The following KLHL32 variants were observed in gnomAD, a reference collection of about 807,000 sequenced individuals.
KLHL32 encodes the protein kelch like family member 32.
A neutral mutation model predicts 64.8 loss-of-function variants in KLHL32; 35 were observed. The observed-to-expected ratio is 0.54, with a 90% CI of 0.41 to 0.72. The LOEUF is 0.72. Among genes scored for constraint, KLHL32 ranks in the 30% least tolerant of loss-of-function variants. The probability of loss-of-function intolerance (pLI) is 0.00; values close to 1 mark genes in which losing one functional copy is unlikely to be tolerated. For missense variants in KLHL32, 589 were observed against 768.5 expected, an observed-to-expected ratio of 0.77 and a Z score of 2.76; for synonymous variants, 259 against 281.0, an observed-to-expected ratio of 0.92 and a Z score of 0.78.
intron 7 of KLHL32, among the ~76,000 whole-genome samples, chr6:97,119,088 T>C (rs983784703): frequency 2.0e-5 from 3 of 152,178 alleles, no homozygotes; most frequent in African/African-American, 7.2e-5. Flanking sequence ...AATTATCTTG[T>C]CCTCTGGGAA....
intron 7 of KLHL32, among the ~76,000 whole-genome samples, chr6:97,115,986 CTT>C (rs1797767569): frequency 1.0e-5 from 1 of 97,120 alleles, no homozygotes; most frequent in African/African-American, 6.8e-5. Flanking sequence ...TTCATTTGGA[CTT>C]TGACTGTTCT....
intron 1 of KLHL32, among the ~76,000 whole-genome samples, chr6:96,964,532 A>G (rs1391865302): frequency 1.3e-5 from 2 of 152,202 alleles, no homozygotes; most frequent in East Asian, 1.9e-4. Context: ...CGGCGCCTGT[A>G]GTCCCAGCTA....
intron 5 of KLHL32, among the ~76,000 whole-genome samples, chr6:97,083,540 T>A: frequency 6.6e-6 from 1 of 152,206 alleles, no homozygotes; most frequent in East Asian, 1.9e-4. Context: ...TGCCTCCAGG[T>A]GCCTGTGGTG....
intron 8 of KLHL32, among the ~76,000 whole-genome samples, 153 bp downstream of exon 8, chr6:97,127,615 G>T (rs535587663): frequency 6.6e-6 from 1 of 152,188 alleles, no homozygotes; most frequent in African/African-American, 2.4e-5. Flanking sequence ...CTGCTTTTTG[G>T]TTCCTTTTTT....
At chr6:97,017,409 T>G (rs1272807589) in intron 3 of KLHL32, among the ~76,000 whole-genome samples, 2 of 152,248 alleles carry the variant, frequency 1.3e-5, no homozygotes, top group Middle Eastern at 3.2e-3. Context: ...GTTGCTGCCC[T>G]TCTCTAACTA....
chr6:97,119,420 A>G (rs551097971), intron 7 of KLHL32, among the ~76,000 whole-genome samples: 28 of 152,316 alleles, frequency 1.8e-4, no homozygotes, highest in African/African-American at 6.5e-4. Flanking sequence ...GAGATGGATA[A>G]GAGTTTGTCT....
intron 1 of KLHL32, among the ~76,000 whole-genome samples, chr6:96,925,979 G>C (rs1228907675): frequency 1.3e-5 from 2 of 152,008 alleles, no homozygotes; most frequent in Non-Finnish European, 2.9e-5. Context: ...GATGGGACTG[G>C]GTCCTCTACT....
intron 3 of KLHL32, among the ~76,000 whole-genome samples, chr6:97,040,536 G>C (rs189580141): frequency 1.3e-5 from 2 of 152,248 alleles, no homozygotes; most frequent in African/African-American, 2.4e-5. Context: ...CCTGCTTGGA[G>C]TATCAGTTTC....
chr6:97,079,158 C>G (rs2128172125), intron 5 of KLHL32, among the ~76,000 whole-genome samples: 1 of 152,300 alleles, frequency 6.6e-6, no homozygotes, highest in South Asian at 2.1e-4. Flanking sequence ...TAAATCTACT[C>G]TAAATTATAA....
chr6:97,043,250 A>G lies in KLHL32; in HGVS notation c.312+1651A>G, dbSNP rs111832018. On this transcript the variant is annotated intron_variant, in intron 4 of 10. Transcript: ENST00000369261. ...CACCCTCCCCTAGCCTTTGGTAACC[A>G]TCATTCTACTTGCTACTTCTATGAG... Among the ~76,000 whole-genome samples, 1,135 of 152,268 alleles carry G rather than the reference A, an allele frequency of 7.5e-3. 14 individuals are homozygous for G. The highest frequency in any genetic ancestry group is 0.025 in the African/African-American group (1,020 of 41,562).
intron 2 of KLHL32, among the ~76,000 whole-genome samples, chr6:96,973,488 A>G (rs1257358068): frequency 6.6e-6 from 1 of 152,140 alleles, no homozygotes; most frequent in African/African-American, 2.4e-5. Flanking sequence ...TTTCAAATAT[A>G]TTTTCTAAGG....
At chr6:97,021,669 A>G (rs1363691322) in intron 3 of KLHL32, among the ~76,000 whole-genome samples, 1 of 150,988 alleles carries the variant, frequency 6.6e-6, no homozygotes, top group Admixed American at 6.5e-5. Flanking sequence ...AAATTGGCAC[A>G]TGAAATTAAC....
intron 2 of KLHL32, among the ~76,000 whole-genome samples, chr6:96,972,435 A>C (rs1389315480): frequency 6.6e-6 from 1 of 152,150 alleles, no homozygotes; most frequent in Non-Finnish European, 1.5e-5. Flanking sequence ...AATACAATAG[A>C]GTGTTACTAT....
At chr6:96,958,951 C>T (rs186097372) in intron 1 of KLHL32, among the ~76,000 whole-genome samples, 3 of 152,248 alleles carry the variant, frequency 2.0e-5, no homozygotes, top group East Asian at 1.9e-4. Context: ...ACACTTTGGA[C>T]CCTCATCCCT....
chr6:96,961,120 A>G (rs573181194), intron 1 of KLHL32, among the ~76,000 whole-genome samples: 4 of 152,344 alleles, frequency 2.6e-5, no homozygotes, highest in African/African-American at 7.2e-5. Flanking sequence ...CAAAGAAGAC[A>G]TATTTGGGGT....
intron 3 of KLHL32, among the ~76,000 whole-genome samples, chr6:96,997,650 G>A (rs182455820): frequency 1.5e-3 from 221 of 152,158 alleles, no homozygotes; most frequent in Non-Finnish European, 2.8e-3. Flanking sequence ...GGCTTAGCAG[G>A]AGGATCGCTT....
At chr6:97,081,885 GT>G (rs761260843) in intron 5 of KLHL32, among the ~76,000 whole-genome samples, 7 of 152,194 alleles carry the variant, frequency 4.6e-5, no homozygotes, top group Non-Finnish European at 8.8e-5. Flanking sequence ...GAATGTGTAG[GT>G]TGTTGTCATG....
intron 4 of KLHL32, among the ~76,000 whole-genome samples, chr6:97,057,172 C>CTTTTTTTTTTTTTTTTTTTTTT (rs199552121): frequency 1.5e-5 from 1 of 65,016 alleles, no homozygotes; most frequent in African/African-American, 8.8e-5. Context: ...ATGTGAGTAT[C>CTTTTTTTTTTTTTTTTTTTTTT]TTTTTTTTTT....
Position 96,924,834 on chromosome 6 carries a change from C to T in KLHL32, c.-258C>T, listed in dbSNP as rs1296444597. ...ACACACACACACACACACACACACA[C>T]ACTTTCGCACACACAAACACGCTAG... On this transcript the variant is annotated 5_prime_UTR_variant, in exon 1 of 11. Coordinates refer to ENST00000369261, the MANE Select transcript of KLHL32 (RefSeq NM_052904.4). 1 of 148,430 alleles carries T rather than the reference C, an allele frequency of 6.7e-6. No individual in the cohort carries two copies. Among genetic ancestry groups the T allele is most frequent in the Non-Finnish European group, 1.5e-5 (1 of 66,878 alleles). The allele number at this position is 148,430 out of a possible 1,614,324, so 9.2% of individuals were successfully genotyped here.
Sources: allele counts gnomAD v4.1 joint callset (sites outside exome capture counted in the v4.1 genomes callset), GRCh38; gene constraint gnomAD v4.1.1; transcripts MANE v1.5; gene names NCBI Gene and HGNC (gene_info 2026-07-23, HGNC 2026-07-21).